The following FAM210A variants were observed in gnomAD, a reference collection of about 807,000 sequenced individuals.
The protein encoded by FAM210A is mitochondrial inner membrane scaffold 1, also known as family with sequence similarity 210 member A.
FAM210A carries 13 observed loss-of-function variants against 25.3 expected under a neutral mutation model. The observed-to-expected ratio is 0.51, with a 90% CI of 0.33 to 0.82. FAM210A has a LOEUF of 0.82. Among genes scored for constraint, FAM210A ranks in the 40% least tolerant of loss-of-function variants. FAM210A has a pLI of 0.02. For synonymous variants in FAM210A, 125 were observed against 118.7 expected (o/e 1.05, Z -0.35); for missense variants, 319 against 323.2 (o/e 0.99, Z 0.10).
chr18:13,711,227 C>T (rs183302808), intron 1 of FAM210A, among the ~76,000 whole-genome samples: 35 of 152,064 alleles, frequency 2.3e-4, no homozygotes, highest in Middle Eastern at 3.4e-3. Flanking sequence ...AAAAATTAGC[C>T]GGGCATCGTG....
intron 1 of FAM210A, among the ~76,000 whole-genome samples, chr18:13,699,165 A>G (rs1340331826): frequency 6.6e-6 from 1 of 152,228 alleles, no homozygotes; most frequent in Non-Finnish European, 1.5e-5. Context: ...TTTGCTGCTT[A>G]GAGAAAGTAA....
chr18:13,691,493 G>C (rs977891746), intron 1 of FAM210A, among the ~76,000 whole-genome samples: 1 of 152,122 alleles, frequency 6.6e-6, no homozygotes, highest in African/African-American at 2.4e-5. Flanking sequence ...AAAACGTTAA[G>C]GGCAGCCAGA....
At chr18:13,685,092 CAA>C (rs1408618530) in intron 1 of FAM210A, among the ~76,000 whole-genome samples, 1 of 152,124 alleles carries the variant, frequency 6.6e-6, no homozygotes, top group Admixed American at 6.6e-5. Context: ...TCCTCTTGTC[CAA>C]ATTCCTATCT....
chr18:13,685,580 C>A (rs1030346056), intron 1 of FAM210A, among the ~76,000 whole-genome samples: 1 of 152,156 alleles, frequency 6.6e-6, no homozygotes, highest in Non-Finnish European at 1.5e-5. Flanking sequence ...CAACCAATTG[C>A]CAATCAGAAA....
chr18:13,693,986 T>A (rs1176388881), intron 1 of FAM210A, among the ~76,000 whole-genome samples: 3 of 152,180 alleles, frequency 2.0e-5, no homozygotes, highest in Non-Finnish European at 2.9e-5. Flanking sequence ...GAAAACCCCA[T>A]CGTCTCAGCC....
chr18:13,669,053 A>T (rs2043422774), intron 3 of FAM210A, among the ~76,000 whole-genome samples: 1 of 152,204 alleles, frequency 6.6e-6, no homozygotes, highest in Non-Finnish European at 1.5e-5. Context: ...AGAAAGCTTC[A>T]ACCCCTCTTT....
Position 13,664,378 on chromosome 18 carries a change from A to T in FAM210A, c.*2102T>A, listed in dbSNP as rs1048554381. On this transcript the variant is annotated 3_prime_UTR_variant, in exon 4 of 4. Transcript: ENST00000651643. ...ATATGCAACATGAAAAGTAAAAGGA[A>T]ATTGTTTTAGAAAAATTCCATATAA... is the stretch of plus-strand genomic sequence containing the variant. 1.2e-4 allele frequency: 18 copies of T among 152,224 alleles called. No homozygotes were observed. Among genetic ancestry groups the T allele is most frequent in the Admixed American group, 2.6e-4 (4 of 15,282 alleles). 9.4% of individuals were successfully genotyped at this position (152,224 alleles called of 1,614,324 possible). A position where few individuals can be genotyped will look rare whatever the true frequency, so the allele number is the denominator to read the frequency against.
At chr18:13,689,191 A>G (rs1159572539) in intron 1 of FAM210A, among the ~76,000 whole-genome samples, 1 of 152,312 alleles carries the variant, frequency 6.6e-6, no homozygotes, top group South Asian at 2.1e-4. Flanking sequence ...CCTCACAAAT[A>G]TGCAAGTATT....
chr18:13,668,295 C>T (rs983463548), intron 3 of FAM210A, among the ~76,000 whole-genome samples: 5 of 152,248 alleles, frequency 3.3e-5, no homozygotes, highest in Admixed American at 6.5e-5. Flanking sequence ...CTTCCCTTCA[C>T]TTGGCTCCAG....
At chr18:13,713,047 T>C (rs2043833984) in intron 1 of FAM210A, among the ~76,000 whole-genome samples, 1 of 152,220 alleles carries the variant, frequency 6.6e-6, no homozygotes, top group African/African-American at 2.4e-5. Context: ...ACAGCTAAGA[T>C]GCTCAGATCC....
intron 1 of FAM210A, among the ~76,000 whole-genome samples, chr18:13,708,173 C>T (rs146119079): frequency 9.7e-4 from 148 of 152,236 alleles, no homozygotes; most frequent in Non-Finnish European, 1.6e-3. Flanking sequence ...AGTCCTTTAA[C>T]GCTGGGTTTG....
chr18:13,715,566 T>A (rs1443568377), intron 1 of FAM210A, among the ~76,000 whole-genome samples: 1 of 152,214 alleles, frequency 6.6e-6, no homozygotes, highest in East Asian at 1.9e-4. Context: ...ACTTTCATTA[T>A]ACTGTGAGAT....
chr18:13,676,445 ACCT>A (rs1164114344), intron 2 of FAM210A, among the ~76,000 whole-genome samples: 5 of 78,056 alleles, frequency 6.4e-5, no homozygotes, highest in Non-Finnish European at 1.4e-4. Flanking sequence ...TGAGCCCCTG[ACCT>A]CTTTATTTCC....
intron 1 of FAM210A, among the ~76,000 whole-genome samples, chr18:13,709,305 A>G (rs2043804376): frequency 6.6e-6 from 1 of 152,206 alleles, no homozygotes; most frequent in East Asian, 1.9e-4. Flanking sequence ...ACCCCTACCC[A>G]TGACGGCATC....
At chr18:13,720,711 A>C (rs973169614) in intron 1 of FAM210A, among the ~76,000 whole-genome samples, 1 of 152,022 alleles carries the variant, frequency 6.6e-6, no homozygotes, top group Non-Finnish European at 1.5e-5. Context: ...TTTGTTTGCT[A>C]CAGCTGCTGT....
intron 1 of FAM210A, among the ~76,000 whole-genome samples, chr18:13,716,169 C>T (rs1313888323): frequency 6.6e-6 from 1 of 152,158 alleles, no homozygotes; most frequent in Non-Finnish European, 1.5e-5. Flanking sequence ...AGAAAGACTT[C>T]CACTTTAAGA....
At chr18:13,694,447 T>C (rs1308643606) in intron 1 of FAM210A, among the ~76,000 whole-genome samples, 1 of 152,192 alleles carries the variant, frequency 6.6e-6, no homozygotes, top group African/African-American at 2.4e-5. Context: ...AGAGGCATCA[T>C]GCTACCTGAC....
intron 1 of FAM210A, among the ~76,000 whole-genome samples, chr18:13,689,574 GC>G (rs965613068): frequency 1.3e-5 from 2 of 152,032 alleles, no homozygotes; most frequent in Non-Finnish European, 2.9e-5. Flanking sequence ...CTGGACGCTC[GC>G]CCCCGTGGCT....
chr18:13,718,901 G>A (rs1017884701), intron 1 of FAM210A, among the ~76,000 whole-genome samples: 2 of 152,158 alleles, frequency 1.3e-5, no homozygotes, highest in Admixed American at 1.3e-4. Flanking sequence ...AGTGTTTACT[G>A]TATCAAGCAT....
Sources: allele counts gnomAD v4.1 joint callset (sites outside exome capture counted in the v4.1 genomes callset), GRCh38; gene constraint gnomAD v4.1.1; transcripts MANE v1.5; gene names NCBI Gene and HGNC (gene_info 2026-07-23, HGNC 2026-07-21).